Variants in ASPRV1 observed in about 807,000 individuals in gnomAD.
ASPRV1 encodes aspartic peptidase retroviral like 1, also known as retroviral-like aspartic protease 1.
ASPRV1 carries 7 observed loss-of-function variants against 11.0 expected under a neutral mutation model. The ratio of observed to expected loss-of-function variants is 0.64; its 90% confidence interval spans 0.36 to 1.20. ASPRV1 has a LOEUF of 1.20. Ranked by LOEUF, ASPRV1 falls within the 50% of genes most tolerant of loss-of-function variation. ASPRV1 has a pLI of 0.02. For missense variants in ASPRV1, 299 were observed against 320.0 expected, an observed-to-expected ratio of 0.93 and a Z score of 0.50; for synonymous variants, 136 against 138.4, an observed-to-expected ratio of 0.98 and a Z score of 0.12.
the ASPRV1 span, among the ~76,000 whole-genome samples, chr2:69,948,768 G>C: frequency 1.3e-5 from 2 of 151,586 alleles, no homozygotes; most frequent in South Asian, 4.1e-4. Context: ...CCTGTCTCCC[G>C]CTCTGCCCAC....
chr2:69,934,685 G>C, the ASPRV1 span, among the ~76,000 whole-genome samples: 1 of 152,110 alleles, frequency 6.6e-6, no homozygotes, highest in Non-Finnish European at 1.5e-5. Flanking sequence ...AAGATAGCAT[G>C]GTATACTCAC....
chr2:69,949,072 C>G, the ASPRV1 span, among the ~76,000 whole-genome samples: 1 of 152,178 alleles, frequency 6.6e-6, no homozygotes. Flanking sequence ...ACTTTCTATC[C>G]GCTGTCCGCG....
chr2:70,057,489 T>A, the ASPRV1 span, among the ~76,000 whole-genome samples: 5 of 152,272 alleles, frequency 3.3e-5, 1 homozygote, highest in South Asian at 1.0e-3. Flanking sequence ...ATGTATCTTT[T>A]TTTTTTTGAA....
the ASPRV1 span, chr2:70,068,973 T>G: frequency 7.1e-6 from 1 of 140,952 alleles, no homozygotes; most frequent in African/African-American, 2.6e-5. Flanking sequence ...AAAAAAAGCC[T>G]TTCCTTCGTC....
In ASPRV1 at chr2:69,960,417, T is replaced by G. The variant is rs1416502197; in HGVS notation, c.*240A>C. 4 of 495,506 alleles carry G rather than the reference T, an allele frequency of 8.1e-6. No homozygotes were observed. The highest frequency in any genetic ancestry group is 1.1e-5 in the Non-Finnish European group (3 of 277,442). 30.7% of individuals were successfully genotyped at this position (495,506 alleles called of 1,614,324 possible). A position where few individuals can be genotyped will look rare whatever the true frequency, so the allele number is the denominator to read the frequency against. On this transcript the variant is annotated 3_prime_UTR_variant, in exon 1 of 1. Transcript: ENST00000320256. The stretch of plus-strand genomic sequence containing the variant: ...GTCTTTGTCATCAACAGCAGCTTGA[T>G]GACCATGGGGACCCTGTCCCTCTAA...
upstream of ASPRV1, chr2:69,962,199 GACACACACAC>G (rs56262722): frequency 8.4e-3 from 1,380 of 163,448 alleles, 36 homozygotes; most frequent in East Asian, 0.11. Context: ...AGTGAGTGAG[GACACACACAC>G]ACACACACAC....
chr2:69,974,426 A>G, the ASPRV1 span, among the ~76,000 whole-genome samples: 1 of 152,142 alleles, frequency 6.6e-6, no homozygotes, highest in Non-Finnish European at 1.5e-5. Flanking sequence ...AGTTTATATA[A>G]TTTAATTTAT....
chr2:70,015,515 G>A, the ASPRV1 span: 32 of 152,268 alleles, frequency 2.1e-4, no homozygotes, highest in African/African-American at 6.7e-4. Context: ...GGCAACTGTG[G>A]GACTTGAATG....
At chr2:69,965,108 C>T (rs1054218957), upstream of ASPRV1, among the ~76,000 whole-genome samples, 1 of 152,108 alleles carries the variant, frequency 6.6e-6, no homozygotes, top group Non-Finnish European at 1.5e-5. Flanking sequence ...AGTGCAGTGG[C>T]GTGATCTCGG....
At chr2:70,020,720 C>CA in the ASPRV1 span, among the ~76,000 whole-genome samples, 10 of 150,168 alleles carry the variant, frequency 6.7e-5, no homozygotes, top group South Asian at 6.3e-4. Flanking sequence ...CCAGCCTGGG[C>CA]AAAAAAAACA....
the ASPRV1 span, among the ~76,000 whole-genome samples, chr2:69,969,807 C>T: frequency 1.3e-5 from 2 of 152,134 alleles, no homozygotes; most frequent in East Asian, 1.9e-4. Context: ...CTTGACCTCC[C>T]GGGCTGAAGC....
chr2:69,943,222 C>G, the ASPRV1 span, among the ~76,000 whole-genome samples: 1 of 152,162 alleles, frequency 6.6e-6, no homozygotes, highest in African/African-American at 2.4e-5. Context: ...CTGACTTGCC[C>G]TTTGTTTTGG....
At chr2:69,956,483 GGAA>G (rs1307082094), downstream of ASPRV1, among the ~76,000 whole-genome samples, 34 of 107,866 alleles carry the variant, frequency 3.2e-4, no homozygotes, top group African/African-American at 1.9e-3. Flanking sequence ...GAAGAAAAGA[GGAA>G]GAAGAAGAAG....
At chr2:70,084,677 G>A in the ASPRV1 span, among the ~76,000 whole-genome samples, 12 of 152,258 alleles carry the variant, frequency 7.9e-5, no homozygotes, top group Non-Finnish European at 8.8e-5. Context: ...ACTGCATGTA[G>A]TAACAAATAT....
the ASPRV1 span, among the ~76,000 whole-genome samples, chr2:69,933,125 G>A: frequency 6.7e-6 from 1 of 148,506 alleles, no homozygotes; most frequent in African/African-American, 2.5e-5. Flanking sequence ...GTTGAGCCTG[G>A]GAGGCAGAGG....
chr2:70,046,198 T>G, the ASPRV1 span: 2 of 152,180 alleles, frequency 1.3e-5, no homozygotes, highest in East Asian at 1.9e-4. Flanking sequence ...GGTGTTTTGT[T>G]TTTTGTTTTT....
chr2:69,996,157 C>T, the ASPRV1 span, among the ~76,000 whole-genome samples: 38 of 141,968 alleles, frequency 2.7e-4, no homozygotes, highest in Admixed American at 2.4e-3. Flanking sequence ...AAGGGAGGAT[C>T]GCTTGAGCCC....
chr2:70,062,676 C>T, the ASPRV1 span, among the ~76,000 whole-genome samples: 115 of 152,224 alleles, frequency 7.6e-4, no homozygotes, highest in African/African-American at 2.4e-3. Context: ...ACCTATATCC[C>T]GGCAACTTGG....
the ASPRV1 span, among the ~76,000 whole-genome samples, chr2:70,047,822 A>T: frequency 6.6e-6 from 1 of 152,156 alleles, no homozygotes; most frequent in African/African-American, 2.4e-5. Flanking sequence ...TAGAAAAACA[A>T]GTCATAGGCC....
Sources: gnomAD v4.1 joint callset for allele counts (sites outside exome capture counted in the v4.1 genomes callset) on GRCh38, gnomAD v4.1.1 for gene constraint, MANE v1.5 for transcripts, NCBI Gene and HGNC (gene_info 2026-07-23, HGNC 2026-07-21) for gene names.